The following PCM1 variants were observed in gnomAD, a reference collection of about 807,000 sequenced individuals.
The protein encoded by PCM1 is pericentriolar material 1.
A neutral mutation model predicts 241.9 loss-of-function variants in PCM1; 157 were observed. That is an observed-to-expected ratio of 0.65 (90% CI 0.57 to 0.74). The LOEUF (loss-of-function observed/expected upper bound fraction) is 0.74. Ranked by LOEUF, PCM1 falls within the 30% of genes least tolerant of loss-of-function variation. The pLI is 0.00. For missense variants in PCM1, 3,478 were observed against 2,360.1 expected (o/e 1.47, Z -9.81); for synonymous variants, 1,085 against 784.9 (o/e 1.38, Z -6.39).
chr8:18,024,674 G>A (rs753312414), intron 36 of PCM1, among the ~76,000 whole-genome samples: 7 of 152,096 alleles, frequency 4.6e-5, no homozygotes, highest in Non-Finnish European at 8.8e-5. Flanking sequence ...GAAGTGAAAT[G>A]GTCAAATTTA....
At chr8:17,958,775 G>A (rs1586828783) in intron 13 of PCM1, among the ~76,000 whole-genome samples, 1 of 152,132 alleles carries the variant, frequency 6.6e-6, no homozygotes, top group Admixed American at 6.5e-5. Context: ...AGGTTGGAGT[G>A]CAGTGGCATG....
At chr8:17,964,964 C>T (rs947789001) in intron 18 of PCM1, among the ~76,000 whole-genome samples, 196 bp downstream of exon 18, 2 of 152,154 alleles carry the variant, frequency 1.3e-5, no homozygotes, top group Non-Finnish European at 2.9e-5. Context: ...TCACCTCAGA[C>T]TTCAATTTCA....
At chr8:17,975,913 G>A (rs1303722497) in intron 23 of PCM1, among the ~76,000 whole-genome samples, 2 of 152,098 alleles carry the variant, frequency 1.3e-5, no homozygotes, top group Non-Finnish European at 2.9e-5. Context: ...GTGATTTCCT[G>A]CCTTACTGAG....
chr8:17,923,687 A>G (rs747753398), intron 1 of PCM1, among the ~76,000 whole-genome samples: 187 of 151,786 alleles, frequency 1.2e-3, no homozygotes, highest in Non-Finnish European at 1.1e-3. Context: ...GCGACTCTGA[A>G]GAGTTGCAGT....
chr8:18,024,506 C>T (rs1366082031), intron 36 of PCM1, among the ~76,000 whole-genome samples: 7 of 152,166 alleles, frequency 4.6e-5, no homozygotes, highest in Non-Finnish European at 7.3e-5. Flanking sequence ...TACAATTATA[C>T]ATTTAAAACT....
At chr8:17,975,562 G>A (rs2078468193) in intron 23 of PCM1, among the ~76,000 whole-genome samples, 1 of 152,076 alleles carries the variant, frequency 6.6e-6, no homozygotes, top group African/African-American at 2.4e-5. Flanking sequence ...AGTATAGAGT[G>A]GGGAACAAGC....
At position 17,937,207 on chromosome 8, in the gene PCM1, A is replaced by G. The variant is rs1374745046; in HGVS notation, c.170A>G (p.Asp57Gly). The G allele has an allele frequency of 1.2e-6, 2 of 1,604,360 alleles. No individual in the cohort carries two copies. The highest frequency in any genetic ancestry group is 1.7e-5 in the Admixed American group (1 of 58,836). The change falls in exon 4 of 39, where the codon GAT becomes GGT. Residue 57 changes from aspartate to glycine, a missense_variant. Physicochemically the swap from Asp to Gly is moderately conservative, Grantham distance 94 (BLOSUM62 -1). Coordinates refer to ENST00000325083, the MANE Select transcript of PCM1 (RefSeq NM_006197.4). ...AAGAAAAAGTTTGGTGTAGAAAGTGATAAAAGAGTAACCAATGATATTTCT... is the reference window on the plus strand; with the variant it reads ...AAGAAAAAGTTTGGTGTAGAAAGTGGTAAAAGAGTAACCAATGATATTTCT... The part of the protein sequence containing the change: ...KNKKKFGVES[D>G]KRVTNDISPE...
At position 17,962,120 on chromosome 8, in the gene PCM1, C is replaced by T. The variant is rs746467728; in HGVS notation, c.2409C>T (p.Thr803=). Residue 803 remains threonine, a synonymous_variant, in exon 16 of 39, where the codon ACC becomes ACT. Transcript: ENST00000325083. ...CCCCAACTGTTAATCAACACGAGAC[C>T]AGTACAAGCAAATCTGTTTTTGAGC... ...TSTPTVNQHE[T]STSKSVFEPE... 4 of 1,610,224 alleles carry T rather than the reference C, an allele frequency of 2.5e-6. No individual in the cohort carries two copies. The highest frequency in any genetic ancestry group is 3.4e-6 in the Non-Finnish European group (4 of 1,177,736).
rs139917362 is a variant in PCM1 at position 17,988,030 on chromosome 8, G to T, written c.4411-1829G>T. On this transcript the variant is annotated intron_variant, in intron 26 of 38. Coordinates refer to ENST00000325083, the MANE Select transcript of PCM1 (RefSeq NM_006197.4). Reference sequence around the variant, plus strand: ...ATACCTCTCTTGCCTAGGGAAGAGAGAAATGAAAGTGAAACTGGGAATCTG... The same window carrying T: ...ATACCTCTCTTGCCTAGGGAAGAGATAAATGAAAGTGAAACTGGGAATCTG... Among the ~76,000 whole-genome samples the T allele has an allele frequency of 3.5e-3, 534 of 151,848 alleles. 3 individuals are homozygous for T. Among genetic ancestry groups the T allele is most frequent in the African/African-American group, 0.012 (486 of 41,522 alleles).
chr8:17,959,481 A>G (rs2070564678), intron 13 of PCM1, among the ~76,000 whole-genome samples: 1 of 152,130 alleles, frequency 6.6e-6, no homozygotes, highest in African/African-American at 2.4e-5. Context: ...TACTTGCACA[A>G]GCTTTTGTGC....
At chr8:18,024,375 T>C (rs1201029632) in intron 36 of PCM1, among the ~76,000 whole-genome samples, 2 of 152,168 alleles carry the variant, frequency 1.3e-5, no homozygotes, top group Non-Finnish European at 2.9e-5. Flanking sequence ...TCTTAAAATT[T>C]CTTCTTAAAT....
intron 38 of PCM1, 64 bp from the exon 39 acceptor site, chr8:18,027,573 G>A (rs2094327357): frequency 8.6e-7 from 1 of 1,162,712 alleles, no homozygotes; most frequent in East Asian, 2.4e-5. Flanking sequence ...TAATGACAGA[G>A]AACAATGTTA....
At chr8:17,930,730 A>G (rs2058739573) in intron 2 of PCM1, among the ~76,000 whole-genome samples, 1 of 151,944 alleles carries the variant, frequency 6.6e-6, no homozygotes, top group Non-Finnish European at 1.5e-5. Flanking sequence ...TACAACAAAA[A>G]TTAGCCAGGC....
chr8:17,933,880 C>G (rs1024703956), intron 2 of PCM1, among the ~76,000 whole-genome samples: 24 of 151,656 alleles, frequency 1.6e-4, no homozygotes, highest in Admixed American at 1.4e-3. Flanking sequence ...TCCTTCATGT[C>G]TTATTTTAAG....
At chr8:17,934,248 C>T (rs1334894468) in intron 2 of PCM1, among the ~76,000 whole-genome samples, 1 of 149,618 alleles carries the variant, frequency 6.7e-6, no homozygotes, top group African/African-American at 2.4e-5. Flanking sequence ...ATCATTATTA[C>T]TATTTATTTA....
At chr8:17,945,970 T>C (rs1031466172) in intron 6 of PCM1, among the ~76,000 whole-genome samples, 1 of 152,194 alleles carries the variant, frequency 6.6e-6, no homozygotes, top group African/African-American at 2.4e-5. Context: ...TAAAAGACTT[T>C]TTAAAAGGTA....
At chr8:17,931,361 A>T (rs1293619275) in intron 2 of PCM1, among the ~76,000 whole-genome samples, 1 of 151,610 alleles carries the variant, frequency 6.6e-6, no homozygotes, top group Middle Eastern at 3.2e-3. Context: ...TGATCTCAGC[A>T]CACTGCAACC....
chr8:17,965,734 A>G (rs1210597188), intron 18 of PCM1, among the ~76,000 whole-genome samples: 1 of 152,248 alleles, frequency 6.6e-6, no homozygotes, highest in Non-Finnish European at 1.5e-5. Flanking sequence ...GACATAATAA[A>G]TATTTTTATT....
In PCM1 at chr8:17,964,582, G is replaced by C. The variant is rs959167908; in HGVS notation, c.2669G>C (p.Trp890Ser). 2.5e-6 allele frequency: 4 copies of C among 1,613,050 alleles called. No homozygotes were observed. The highest frequency in any genetic ancestry group is 3.4e-6 in the Non-Finnish European group (4 of 1,179,334). ...QSRTEKTMAT[W>S]GGSTQCALDE... ...TTAATCACTAGAACGATGGCAACTTGGGGAGGGTCTACCCAGTGTGCACTA... is the reference window on the plus strand; with the variant it reads ...TTAATCACTAGAACGATGGCAACTTCGGGAGGGTCTACCCAGTGTGCACTA... The change falls in exon 18 of 39, where the codon TGG becomes TCG. Residue 890 changes from tryptophan (W) to serine (S), a missense_variant. By Grantham distance (177) the Trp-to-Ser change is radical (BLOSUM62 -3). Transcript: ENST00000325083.
Sources: allele counts gnomAD v4.1 joint callset (sites outside exome capture counted in the v4.1 genomes callset), GRCh38; gene constraint gnomAD v4.1.1; transcripts MANE v1.5; gene names NCBI Gene and HGNC (gene_info 2026-07-23, HGNC 2026-07-21).